Variants in LRP1B observed in about 807,000 individuals in gnomAD.
The protein encoded by LRP1B is low-density lipoprotein receptor-related protein 1B.
Under a neutral mutation model 556.6 loss-of-function variants are expected in LRP1B, and 217 were observed. The observed-to-expected ratio is 0.39, with a 90% CI of 0.35 to 0.44. The LOEUF (loss-of-function observed/expected upper bound fraction) is 0.44, where lower values mean the gene tolerates loss of function less well. Ranked by LOEUF, LRP1B falls within the 20% of genes least tolerant of loss-of-function variation. The pLI, the probability that LRP1B is intolerant of heterozygous loss-of-function variation, is 1.00. For synonymous variants in LRP1B, 2,047 were observed against 1,865.8 expected (o/e 1.10, Z -2.50); for missense variants, 5,053 against 5,620.8 (o/e 0.90, Z 3.23).
chr2:141,189,870 G>A (rs1379449325), intron 6 of LRP1B, among the ~76,000 whole-genome samples: 1 of 151,920 alleles, frequency 6.6e-6, no homozygotes, highest in African/African-American at 2.4e-5. Flanking sequence ...TACCTGGGGA[G>A]CAGCCAATGC....
chr2:142,082,583 A>G (rs1705761238), intron 1 of LRP1B, among the ~76,000 whole-genome samples: 1 of 152,160 alleles, frequency 6.6e-6, no homozygotes, highest in South Asian at 2.1e-4. Flanking sequence ...AGCCGGAACA[A>G]TTGTATCCTT....
chr2:141,877,856 C>T (rs1041408374), intron 1 of LRP1B, among the ~76,000 whole-genome samples: 1 of 151,888 alleles, frequency 6.6e-6, no homozygotes, highest in Non-Finnish European at 1.5e-5. Context: ...TTTTAGAGCT[C>T]ACCAAGATTG....
chr2:141,583,635 C>T (rs1399740937), intron 2 of LRP1B, among the ~76,000 whole-genome samples: 1 of 151,098 alleles, frequency 6.6e-6, no homozygotes, highest in Non-Finnish European at 1.5e-5. Context: ...TAATTATATA[C>T]AATATAAAAT....
At chr2:141,043,599 C>A (rs369478160) in intron 11 of LRP1B, among the ~76,000 whole-genome samples, 3 of 151,896 alleles carry the variant, frequency 2.0e-5, no homozygotes, top group Admixed American at 6.6e-5. Flanking sequence ...GCTTTGAATT[C>A]TTTTTAATAC....
intron 2 of LRP1B, among the ~76,000 whole-genome samples, chr2:141,661,067 T>C (rs1277033314): frequency 6.6e-6 from 1 of 152,096 alleles, no homozygotes; most frequent in Non-Finnish European, 1.5e-5. Context: ...ACCAGCAAAC[T>C]GCAGCAGCCC....
chr2:140,556,077 G>C (rs1680720758), intron 43 of LRP1B, among the ~76,000 whole-genome samples: 1 of 151,970 alleles, frequency 6.6e-6, no homozygotes, highest in Non-Finnish European at 1.5e-5. Context: ...TTTGTTTGTT[G>C]TATACATGAG....
chr2:140,476,788 C>T (rs936302705), intron 59 of LRP1B, among the ~76,000 whole-genome samples: 1 of 151,962 alleles, frequency 6.6e-6, no homozygotes, highest in Non-Finnish European at 1.5e-5. Flanking sequence ...AACAGAGATT[C>T]AAAGAGCTCT....
chr2:141,619,104 T>G (rs1208335709), intron 2 of LRP1B, among the ~76,000 whole-genome samples: 1 of 152,198 alleles, frequency 6.6e-6, no homozygotes, highest in Non-Finnish European at 1.5e-5. Flanking sequence ...CCTATCCTGT[T>G]TGATTTCTCT....
At chr2:142,072,746 T>C (rs976449841) in intron 1 of LRP1B, among the ~76,000 whole-genome samples, 4 of 152,002 alleles carry the variant, frequency 2.6e-5, no homozygotes, top group Non-Finnish European at 5.9e-5. Flanking sequence ...TTTATTATTC[T>C]CTTTTGTAAT....
chr2:141,254,782 C>A, intron 3 of LRP1B, 141 bp from the exon 4 acceptor site: 1 of 558,002 alleles, frequency 1.8e-6, no homozygotes, highest in East Asian at 3.4e-5. Flanking sequence ...AAAATATTTA[C>A]CTAAAATATG....
intron 31 of LRP1B, among the ~76,000 whole-genome samples, chr2:140,835,244 A>G (rs1206596885): frequency 6.6e-6 from 1 of 152,242 alleles, no homozygotes; most frequent in African/African-American, 2.4e-5. Flanking sequence ...TAAGAGCTTC[A>G]TCTGAGGTCT....
chr2:141,442,899 T>C (rs929307217), intron 3 of LRP1B, among the ~76,000 whole-genome samples: 10 of 152,352 alleles, frequency 6.6e-5, no homozygotes, highest in Middle Eastern at 3.4e-3. Context: ...TATATATGCA[T>C]GTGTCTTCAT....
At chr2:141,119,822 G>A (rs1432071843) in intron 7 of LRP1B, among the ~76,000 whole-genome samples, 11 of 151,640 alleles carry the variant, frequency 7.3e-5, no homozygotes, top group African/African-American at 2.4e-4. Flanking sequence ...CAGAGCAGGG[G>A]ATAAAGAGAT....
At chr2:140,645,160 C>T (rs1227575590) in intron 41 of LRP1B, among the ~76,000 whole-genome samples, 2 of 152,046 alleles carry the variant, frequency 1.3e-5, no homozygotes, top group African/African-American at 2.4e-5. Context: ...TTGCAGTTTT[C>T]TTCAATGCCC....
At chr2:140,534,281 A>G (rs1690851441) in intron 46 of LRP1B, 141 bp from the exon 47 acceptor site, 1 of 768,964 alleles carries the variant, frequency 1.3e-6, no homozygotes, top group Non-Finnish European at 2.0e-6. Flanking sequence ...ATAGCTCTGG[A>G]TTAGAATGTT....
At chr2:141,159,057 C>A (rs1233555623) in intron 7 of LRP1B, among the ~76,000 whole-genome samples, 1 of 152,110 alleles carries the variant, frequency 6.6e-6, no homozygotes, top group Non-Finnish European at 1.5e-5. Context: ...GCTTAGTAGT[C>A]TTCACTAAGT....
At chr2:140,748,304 ATAT>A (rs1371385431) in intron 35 of LRP1B, among the ~76,000 whole-genome samples, 2 of 133,000 alleles carry the variant, frequency 1.5e-5, no homozygotes, top group Non-Finnish European at 3.1e-5. Flanking sequence ...ATATATTCAT[ATAT>A]TATATTCATA....
intron 1 of LRP1B, among the ~76,000 whole-genome samples, chr2:141,948,996 A>G (rs1701033605): frequency 6.6e-6 from 1 of 152,206 alleles, no homozygotes; most frequent in Non-Finnish European, 1.5e-5. Context: ...GTCAAAAGTA[A>G]TAAGCTCTAA....
At chr2:141,923,662 A>C (rs1322188522) in intron 1 of LRP1B, among the ~76,000 whole-genome samples, 1 of 151,540 alleles carries the variant, frequency 6.6e-6, no homozygotes, top group Non-Finnish European at 1.5e-5. Flanking sequence ...GTCTGTAATG[A>C]CCTTAATTCA....
Sources: gnomAD v4.1 joint callset for allele counts (sites outside exome capture counted in the v4.1 genomes callset) on GRCh38, gnomAD v4.1.1 for gene constraint, MANE v1.5 for transcripts, NCBI Gene and HGNC (gene_info 2026-07-23, HGNC 2026-07-21) for gene names.